Variants in KBTBD12 observed in about 807,000 individuals in gnomAD.
KBTBD12 encodes kelch repeat and BTB domain-containing protein 12.
In KBTBD12, 53 loss-of-function variants were observed where a neutral mutation model predicts 58.7. The observed-to-expected ratio is 0.90, with a 90% CI of 0.72 to 1.14. The LOEUF is 1.14. Among genes scored for constraint, KBTBD12 ranks in the 50% most tolerant of loss-of-function variants. KBTBD12 has a pLI of 0.00. For missense variants in KBTBD12, 704 were observed against 751.3 expected, an observed-to-expected ratio of 0.94 and a Z score of 0.74; for synonymous variants, 236 against 259.8, an observed-to-expected ratio of 0.91 and a Z score of 0.88.
chr3:127,977,518 C>G (rs771616077), intron 5 of KBTBD12, among the ~76,000 whole-genome samples: 20 of 152,142 alleles, frequency 1.3e-4, no homozygotes, highest in Non-Finnish European at 2.8e-4. Flanking sequence ...TTAATAATAG[C>G]CATTATGACT....
At chr3:127,981,894 T>A (rs1940879960) in intron 5 of KBTBD12, among the ~76,000 whole-genome samples, 1 of 152,192 alleles carries the variant, frequency 6.6e-6, no homozygotes, top group Non-Finnish European at 1.5e-5. Flanking sequence ...AGGATATACA[T>A]CCTTTATGAG....
At chr3:127,967,726 C>T (rs1208773007) in intron 5 of KBTBD12, among the ~76,000 whole-genome samples, 1 of 152,066 alleles carries the variant, frequency 6.6e-6, no homozygotes, top group Non-Finnish European at 1.5e-5. Flanking sequence ...AAATGTGTAA[C>T]TAATAAAACC....
intron 4 of KBTBD12, among the ~76,000 whole-genome samples, chr3:127,962,115 T>A (rs1940452982): frequency 6.6e-6 from 1 of 152,208 alleles, no homozygotes; most frequent in Admixed American, 6.5e-5. Flanking sequence ...TTTTGATTAG[T>A]CACACAGACC....
chr3:127,937,011 G>A (rs1939843529), intron 4 of KBTBD12, among the ~76,000 whole-genome samples: 2 of 152,102 alleles, frequency 1.3e-5, no homozygotes, highest in South Asian at 4.1e-4. Context: ...CTGGTAGTGT[G>A]GTCAGGTACC....
intron 1 of KBTBD12, among the ~76,000 whole-genome samples, chr3:127,918,174 A>C (rs1312101763): frequency 2.0e-5 from 3 of 152,220 alleles, no homozygotes; most frequent in Non-Finnish European, 4.4e-5. Context: ...CATTTTCAAG[A>C]ATACAGAAGT....
chr3:127,963,987 C>G (rs1191338717), intron 5 of KBTBD12, among the ~76,000 whole-genome samples: 1 of 152,068 alleles, frequency 6.6e-6, no homozygotes, highest in Non-Finnish European at 1.5e-5. Flanking sequence ...GTGTTTATTA[C>G]TAAACCTTTT....
chr3:127,962,033 G>A (rs1240209853), intron 4 of KBTBD12, among the ~76,000 whole-genome samples: 1 of 152,238 alleles, frequency 6.6e-6, no homozygotes, highest in East Asian at 1.9e-4. Context: ...TATGCAGTTT[G>A]CACAGTGACT....
chr3:127,924,425 A>T (rs1939515680), intron 2 of KBTBD12, among the ~76,000 whole-genome samples: 1 of 149,978 alleles, frequency 6.7e-6, no homozygotes, highest in African/African-American at 2.4e-5. Flanking sequence ...TTCATAATTA[A>T]ATCTCCCACA....
intron 1 of KBTBD12, 98 bp from the exon 2 acceptor site, chr3:127,922,852 A>G (rs1269642304): frequency 6.5e-5 from 29 of 444,716 alleles, no homozygotes; most frequent in Non-Finnish European, 8.0e-6. Context: ...GGAGTGAATA[A>G]TATCTGTTTA....
In KBTBD12 at chr3:127,915,412, G is replaced by C. The variant is rs958830542; in HGVS notation, c.-287G>C. 6.5e-6 allele frequency: 1 copy of C among 152,738 alleles called. No homozygotes were observed. Among genetic ancestry groups the C allele is most frequent in the East Asian group, 1.9e-4 (1 of 5,206 alleles). 9.5% of individuals were successfully genotyped at this position (152,738 alleles called of 1,614,324 possible). A position where few individuals can be genotyped will look rare whatever the true frequency, so the allele number is the denominator to read the frequency against. On this transcript the variant is annotated 5_prime_UTR_variant, in exon 1 of 6. Transcript: ENST00000405109. Reference sequence around the variant, plus strand: ...CTGTCCCCTCGGAGGCGCTGCCAGCGCCCTCCCTCCTCCTCCGCAGGGCGC... The same window carrying C: ...CTGTCCCCTCGGAGGCGCTGCCAGCCCCCTCCCTCCTCCTCCGCAGGGCGC...
intron 4 of KBTBD12, among the ~76,000 whole-genome samples, chr3:127,949,468 T>C (rs1456805866): frequency 6.6e-6 from 1 of 152,102 alleles, no homozygotes; most frequent in East Asian, 1.9e-4. Flanking sequence ...AATAAAAGAT[T>C]AGTGCTTATT....
chr3:127,962,414 G>A (rs777618541), intron 4 of KBTBD12, among the ~76,000 whole-genome samples: 1 of 152,178 alleles, frequency 6.6e-6, no homozygotes, highest in Non-Finnish European at 1.5e-5. Flanking sequence ...TATATTCCTT[G>A]TTACAGTCCC....
intron 4 of KBTBD12, among the ~76,000 whole-genome samples, chr3:127,935,397 GA>G (rs1939807119): frequency 6.6e-6 from 1 of 152,154 alleles, no homozygotes; most frequent in African/African-American, 2.4e-5. Flanking sequence ...ACCTAAAATA[GA>G]GGATGATAAA....
At chr3:127,963,569 G>GC (rs547514918) in intron 5 of KBTBD12, 183 bp downstream of exon 5, 36 of 573,692 alleles carry the variant, frequency 6.3e-5, no homozygotes, top group Non-Finnish European at 1.1e-4. Flanking sequence ...AGTGAAGCTG[G>GC]CACATCCATA....
In KBTBD12 at chr3:127,942,175, A is replaced by T. The variant is rs116542415; in HGVS notation, c.1492+11892A>T. 3.2e-3 allele frequency among the ~76,000 whole-genome samples: 485 copies of T among 152,296 alleles called. 3 individuals carry two copies. Among genetic ancestry groups the T allele is most frequent in the African/African-American group, 0.011 (465 of 41,560 alleles). ...TACAAAAGGTCAATCATTTACTTTT[A>T]AAAAATGTATGTATTTAAGGCATAC... On this transcript the variant is annotated intron_variant, in intron 4 of 5. Coordinates refer to ENST00000405109, the MANE Select transcript of KBTBD12 (RefSeq NM_207335.4).
chr3:127,952,298 TC>T (rs1158593822), intron 4 of KBTBD12, among the ~76,000 whole-genome samples: 1 of 152,188 alleles, frequency 6.6e-6, no homozygotes, highest in African/African-American at 2.4e-5. Flanking sequence ...AATATCTCAG[TC>T]ATTAAGAGCA....
At chr3:127,934,068 T>C (rs2107595354) in intron 4 of KBTBD12, among the ~76,000 whole-genome samples, 1 of 150,588 alleles carries the variant, frequency 6.6e-6, no homozygotes, top group African/African-American at 2.4e-5. Flanking sequence ...CATTTGGGGG[T>C]GGGGGTGGTG....
At position 127,931,188 on chromosome 3, in the gene KBTBD12, A is replaced by G. The variant is rs146799684; in HGVS notation, c.1492+905A>G. ...GGAATGGAAGCAAACTAAGCATTTAAATAGAAAGTATTATCATGATGATTT... is the reference window on the plus strand; with the variant it reads ...GGAATGGAAGCAAACTAAGCATTTAGATAGAAAGTATTATCATGATGATTT... On this transcript the variant is annotated intron_variant, in intron 4 of 5. Coordinates refer to ENST00000405109, the MANE Select transcript of KBTBD12 (RefSeq NM_207335.4). Among the ~76,000 whole-genome samples, 149 of 152,284 alleles carry G rather than the reference A, an allele frequency of 9.8e-4. 1 individual carries two copies. The East Asian group carries it at 0.027, about 27-fold the overall frequency.
At chr3:127,942,773 A>T (rs1939984459) in intron 4 of KBTBD12, among the ~76,000 whole-genome samples, 1 of 151,100 alleles carries the variant, frequency 6.6e-6, no homozygotes, top group Non-Finnish European at 1.5e-5. Flanking sequence ...TGGGTAATGT[A>T]TGAGGAAAAG....
Sources: allele counts gnomAD v4.1 joint callset (sites outside exome capture counted in the v4.1 genomes callset), GRCh38; gene constraint gnomAD v4.1.1; transcripts MANE v1.5; gene names NCBI Gene and HGNC (gene_info 2026-07-23, HGNC 2026-07-21).